DPP10: variants seen among roughly 807,000 people sequenced by gnomAD.
DPP10 encodes the protein dipeptidyl peptidase like 10.
Under a neutral mutation model 120.9 loss-of-function variants are expected in DPP10, and 33 were observed. The observed-to-expected ratio is 0.27, with a 90% CI of 0.21 to 0.37. The LOEUF (loss-of-function observed/expected upper bound fraction) is 0.37, where lower values mean the gene tolerates loss of function less well. Ranked by LOEUF, DPP10 falls within the 10% of genes least tolerant of loss-of-function variation. The probability of loss-of-function intolerance (pLI) is 1.00; values close to 1 mark genes in which losing one functional copy is unlikely to be tolerated. For synonymous variants in DPP10, 337 were observed against 326.1 expected (o/e 1.03, Z -0.36); for missense variants, 816 against 942.8 (o/e 0.87, Z 1.76).
intron 1 of DPP10, among the ~76,000 whole-genome samples, chr2:114,847,433 T>C (rs1356603131): frequency 6.6e-6 from 1 of 152,216 alleles, no homozygotes; most frequent in African/African-American, 2.4e-5. Context: ...TGATCAGTGA[T>C]CATTGAGCCA....
intron 5 of DPP10, among the ~76,000 whole-genome samples, chr2:115,531,355 TTCC>T (rs1369281319): frequency 4.6e-5 from 7 of 152,104 alleles, no homozygotes; most frequent in Non-Finnish European, 1.5e-5. Flanking sequence ...AGGGACCTGA[TTCC>T]TTAAACTGCA....
Position 115,166,159 on chromosome 2 carries a change from A to T in DPP10, c.61-143080A>T, listed in dbSNP as rs532477519. Among the ~76,000 whole-genome samples, 19 of 152,296 alleles carry T rather than the reference A, an allele frequency of 1.2e-4. No individual in the cohort carries two copies. The East Asian group carries it at 3.1e-3, about 25-fold the overall frequency. On this transcript the variant is annotated intron_variant, in intron 1 of 25. Transcript: ENST00000410059. ...GTCTAGCAAACCAGATTAAATATTC[A>T]AACATATGCTTAATGAAAAATTGCA...
At chr2:114,671,016 A>G (rs1479647861) in intron 1 of DPP10, among the ~76,000 whole-genome samples, 1 of 152,192 alleles carries the variant, frequency 6.6e-6, no homozygotes, top group Non-Finnish European at 1.5e-5. Context: ...AAAGACCCTT[A>G]AAGAATTCTT....
intron 1 of DPP10, among the ~76,000 whole-genome samples, chr2:114,596,003 C>T (rs569740895): frequency 3.9e-5 from 6 of 152,052 alleles, no homozygotes; most frequent in Non-Finnish European, 8.8e-5. Flanking sequence ...GGATGAAGCT[C>T]CTCGGTATTT....
At chr2:115,462,858 T>A (rs1247488480) in intron 3 of DPP10, among the ~76,000 whole-genome samples, 1 of 152,070 alleles carries the variant, frequency 6.6e-6, no homozygotes. Flanking sequence ...GCCTCCCCAG[T>A]AGCTGTGACT....
At position 115,185,240 on chromosome 2, in the gene DPP10, T is replaced by G. The variant is rs576318736; in HGVS notation, c.61-123999T>G. On this transcript the variant is annotated intron_variant, in intron 1 of 25. Coordinates refer to ENST00000410059, the MANE Select transcript of DPP10 (RefSeq NM_020868.6). ...GCTTTTATAGTTAGAGAAGGTTTTTTGTTTCTTTTTTTTTTTTTAACTTTT... is the reference window on the plus strand; with the variant it reads ...GCTTTTATAGTTAGAGAAGGTTTTTGGTTTCTTTTTTTTTTTTTAACTTTT... 3.0e-3 allele frequency among the ~76,000 whole-genome samples: 253 copies of G among 84,316 alleles called. 1 individual carries two copies. The highest frequency in any genetic ancestry group is 0.017 in the Middle Eastern group (3 of 176). The allele number at this position is 84,316 out of a possible 152,430, so 55.3% of individuals were successfully genotyped here. A position where few individuals can be genotyped will look rare whatever the true frequency, so the allele number is the denominator to read the frequency against.
intron 3 of DPP10, among the ~76,000 whole-genome samples, chr2:115,396,924 A>G (rs986284230): frequency 7.9e-5 from 12 of 152,192 alleles, no homozygotes; most frequent in Non-Finnish European, 1.6e-4. Context: ...TTGAGGAAAG[A>G]TGCTCCTGTC....
intron 7 of DPP10, among the ~76,000 whole-genome samples, chr2:115,721,681 C>T (rs986767001): frequency 2.6e-5 from 4 of 151,998 alleles, no homozygotes; most frequent in East Asian, 3.9e-4. Flanking sequence ...AGGTACTATA[C>T]GAAGACAGCA....
chr2:115,723,750 T>G (rs1311037463), intron 7 of DPP10, among the ~76,000 whole-genome samples: 1 of 152,126 alleles, frequency 6.6e-6, no homozygotes, highest in Non-Finnish European at 1.5e-5. Flanking sequence ...ACAACTAAAT[T>G]AGAAAAGGAC....
chr2:115,067,787 G>A (rs1349109184), intron 1 of DPP10, among the ~76,000 whole-genome samples: 5 of 148,020 alleles, frequency 3.4e-5, no homozygotes, highest in Admixed American at 3.4e-4. Context: ...GGCTGATCCC[G>A]GGAGGCGGAG....
chr2:115,099,075 A>G (rs2048548289), intron 1 of DPP10, among the ~76,000 whole-genome samples: 1 of 151,090 alleles, frequency 6.6e-6, no homozygotes, highest in Non-Finnish European at 1.5e-5. Flanking sequence ...ACTTGAGGTC[A>G]GGAGTTCAAA....
At chr2:114,695,695 G>T (rs1440939333) in intron 1 of DPP10, among the ~76,000 whole-genome samples, 1 of 151,898 alleles carries the variant, frequency 6.6e-6, no homozygotes, top group African/African-American at 2.4e-5. Flanking sequence ...GCATTTCTCT[G>T]GTCTAATTCT....
At chr2:114,890,346 C>T (rs1692438287) in intron 1 of DPP10, among the ~76,000 whole-genome samples, 1 of 152,064 alleles carries the variant, frequency 6.6e-6, no homozygotes, top group African/African-American at 2.4e-5. Context: ...GTATGAGAAG[C>T]AATTCTGAAA....
At chr2:114,634,155 A>G (rs1433509712) in intron 1 of DPP10, among the ~76,000 whole-genome samples, 1 of 151,848 alleles carries the variant, frequency 6.6e-6, no homozygotes, top group Non-Finnish European at 1.5e-5. Context: ...CATTTGGTAA[A>G]CCAAATGAAT....
At chr2:114,642,199 C>T (rs905709531) in intron 1 of DPP10, among the ~76,000 whole-genome samples, 2 of 151,816 alleles carry the variant, frequency 1.3e-5, no homozygotes, top group Admixed American at 1.3e-4. Flanking sequence ...TTCTCTTCAA[C>T]CTCCTGAGCT....
At chr2:115,810,162 GAA>G (rs199538342) in intron 19 of DPP10, among the ~76,000 whole-genome samples, 7 of 128,680 alleles carry the variant, frequency 5.4e-5, no homozygotes, top group South Asian at 2.4e-4. Flanking sequence ...ACTCCATCTC[GAA>G]AAAAAAAAAA....
At chr2:114,629,603 A>G (rs1694769654) in intron 1 of DPP10, among the ~76,000 whole-genome samples, 1 of 152,166 alleles carries the variant, frequency 6.6e-6, no homozygotes, top group African/African-American at 2.4e-5. Context: ...ATTAAATCTC[A>G]TTTAATTGGC....
intron 1 of DPP10, among the ~76,000 whole-genome samples, chr2:114,477,273 T>C (rs1194919214): frequency 4.6e-5 from 7 of 152,186 alleles, no homozygotes; most frequent in African/African-American, 1.4e-4. Flanking sequence ...TGGATTCTTA[T>C]ATGCACTCTT....
At chr2:114,936,271 A>G (rs560733386) in intron 1 of DPP10, among the ~76,000 whole-genome samples, 29 of 152,248 alleles carry the variant, frequency 1.9e-4, no homozygotes, top group Non-Finnish European at 4.1e-4. Context: ...TGCTTCGCTT[A>G]GAATAATAGT....
Sources: gnomAD v4.1 joint callset for allele counts (sites outside exome capture counted in the v4.1 genomes callset) on GRCh38, gnomAD v4.1.1 for gene constraint, MANE v1.5 for transcripts, NCBI Gene and HGNC (gene_info 2026-07-23, HGNC 2026-07-21) for gene names.